Variants in AGPAT4 observed in about 807,000 individuals in gnomAD.
AGPAT4 encodes 1-acyl-sn-glycerol-3-phosphate acyltransferase delta.
AGPAT4 carries 15 observed loss-of-function variants against 48.0 expected under a neutral mutation model. The ratio of observed to expected loss-of-function variants is 0.31; its 90% CI spans 0.21 to 0.48. The LOEUF is 0.48. Among genes scored for constraint, AGPAT4 ranks in the 20% least tolerant of loss-of-function variants. AGPAT4 has a pLI of 0.99. For missense variants in AGPAT4, 314 were observed against 482.5 expected, an observed-to-expected ratio of 0.65 and a Z score of 3.27; for synonymous variants, 178 against 198.7, an observed-to-expected ratio of 0.90 and a Z score of 0.88.
chr6:161,197,022 G>A lies in AGPAT4; in HGVS notation c.179-30605C>T, dbSNP rs1781089287. Among the ~76,000 whole-genome samples, 1 of 152,148 alleles carries A rather than the reference G, an allele frequency of 6.6e-6. No homozygotes were observed. Among genetic ancestry groups the A allele is most frequent in the Non-Finnish European group, 1.5e-5 (1 of 68,026 alleles). The stretch of plus-strand genomic sequence containing the variant: ...TCTTGGAATTCTGTGTCCAATGGAG[G>A]AGGCAGTAATAGAAGCGCACAAGAG... On this transcript the variant is annotated intron_variant, in intron 2 of 8. Transcript: ENST00000320285. This position sits in a 1 kb window ranked among gnomAD's most constrained non-coding sequence, Gnocchi z 5.7.
intron 2 of AGPAT4, among the ~76,000 whole-genome samples, chr6:161,188,397 C>G (rs927075330): frequency 3.9e-5 from 6 of 152,154 alleles, no homozygotes; most frequent in African/African-American, 1.2e-4. Context: ...ATTAGGTCAC[C>G]AGATAATTCT....
intron 2 of AGPAT4, among the ~76,000 whole-genome samples, chr6:161,174,421 G>T (rs983187432): frequency 1.3e-5 from 2 of 152,132 alleles, no homozygotes; most frequent in African/African-American, 4.8e-5. Context: ...GTGAATGGGA[G>T]TTCACTCATG....
rs758349819 is a variant in AGPAT4, at chr6:161,136,409, C to A, written c.*131G>T. On this transcript the variant is annotated 3_prime_UTR_variant, in exon 9 of 9. Coordinates refer to ENST00000320285, the MANE Select transcript of AGPAT4 (RefSeq NM_020133.3). ...CCGGCCTTGAGACCAGACTCCCTGG[C>A]TGGAGAGGTCGTGACTTCCGCCGTG... is the stretch of plus-strand genomic sequence containing the variant. The A allele has an allele frequency of 8.3e-6, 6 of 722,514 alleles. No homozygotes were observed. Among genetic ancestry groups the A allele is most frequent in the Admixed American group, 2.4e-5 (1 of 41,994 alleles). The allele number at this position is 722,514 out of a possible 1,614,324, so 44.8% of individuals were successfully genotyped here. A position where few individuals can be genotyped will look rare whatever the true frequency, so the allele number is the denominator to read the frequency against.
In AGPAT4 at chr6:161,221,685, G is replaced by C. The variant is rs912836830; in HGVS notation, c.178+10351C>G. The stretch of plus-strand genomic sequence containing the variant: ...TGAGTTCTGGATTCCAGGAACCTCA[G>C]ATCGGGGTGTTAGCAGGGTTGGTTC... On this transcript the variant is annotated intron_variant, in intron 2 of 8. Coordinates refer to ENST00000320285, the MANE Select transcript of AGPAT4 (RefSeq NM_020133.3). This position sits in a 1 kb window ranked among gnomAD's most constrained non-coding sequence, Gnocchi z 4.5. Among the ~76,000 whole-genome samples, 1 of 152,208 alleles carries C rather than the reference G, an allele frequency of 6.6e-6. No homozygotes were observed. The highest frequency in any genetic ancestry group is 1.5e-5 in the Non-Finnish European group (1 of 68,038).
Position 161,203,381 on chromosome 6 carries a change from C to CTTTT in AGPAT4, c.178+28651_178+28654dup, listed in dbSNP as rs10585542. Among the ~76,000 whole-genome samples, 268 of 110,616 alleles carry CTTTT rather than the reference C, an allele frequency of 2.4e-3. 2 individuals carry two copies. The highest frequency in any genetic ancestry group is 3.5e-3 in the Non-Finnish European group (185 of 53,244). The allele number at this position is 110,616 out of a possible 152,430, so 72.6% of individuals were successfully genotyped here. A position where few individuals can be genotyped will look rare whatever the true frequency, so the allele number is the denominator to read the frequency against. ...TTGTGGGAGAGTGTTCTTTTTCTTT[C>CTTTT]TTTTTTTTTTTTTTTTTTTTTTTTG... On this transcript the variant is annotated intron_variant, in intron 2 of 8. Coordinates refer to ENST00000320285, the MANE Select transcript of AGPAT4 (RefSeq NM_020133.3).
intron 1 of AGPAT4, among the ~76,000 whole-genome samples, chr6:161,248,559 G>C (rs1377172492): frequency 8.0e-6 from 1 of 125,006 alleles, no homozygotes; most frequent in African/African-American, 3.3e-5. Context: ...GGGTGACAGC[G>C]AGACTCTGTC....
rs1376373397 is a variant in AGPAT4 at position 161,262,648 on chromosome 6, C to G, written c.-90+11290G>C. Among the ~76,000 whole-genome samples, 2 of 152,146 alleles carry G rather than the reference C, an allele frequency of 1.3e-5. No individual in the cohort carries two copies. Among genetic ancestry groups the G allele is most frequent in the Non-Finnish European group, 2.9e-5 (2 of 68,028 alleles). ...CCTTCTGACCCACTGCAAGCTCTAC[C>G]CCACTTCTTCCTTTGCTCAGAAGGT... On this transcript the variant is annotated intron_variant, in intron 1 of 8. Coordinates refer to ENST00000320285, the MANE Select transcript of AGPAT4 (RefSeq NM_020133.3). This position sits in a 1 kb window ranked among gnomAD's most constrained non-coding sequence, Gnocchi z 4.9.
In AGPAT4 at chr6:161,169,586, T is replaced by C. The variant is rs532908124; in HGVS notation, c.179-3169A>G. Reference sequence around the variant, plus strand: ...CCTGGGTTCAAGCAATCCTTCCACCTTGGCCTCCCAAAGTGCTGGGATTAT... The same window carrying C: ...CCTGGGTTCAAGCAATCCTTCCACCCTGGCCTCCCAAAGTGCTGGGATTAT... On this transcript the variant is annotated intron_variant, in intron 2 of 8. Coordinates refer to ENST00000320285, the MANE Select transcript of AGPAT4 (RefSeq NM_020133.3). The surrounding 1 kb of genome is among the most constrained non-coding windows in gnomAD (Gnocchi z 5.0). 4.4e-4 allele frequency among the ~76,000 whole-genome samples: 67 copies of C among 152,304 alleles called. No homozygotes were observed. The highest frequency in any genetic ancestry group is 1.5e-3 in the African/African-American group (62 of 41,562).
Position 161,146,740 on chromosome 6 carries a change from G to A in AGPAT4, c.768-141C>T. On this transcript the variant is annotated intron_variant, in intron 6 of 8. Coordinates refer to ENST00000320285, the MANE Select transcript of AGPAT4 (RefSeq NM_020133.3). The surrounding 1 kb of genome is among the most constrained non-coding windows in gnomAD (Gnocchi z 7.1). ...ACTGAAGAGAGTAATGCAAGTGATAGAAAGAAGGGGCGTTCCACATCCACA... is the reference window on the plus strand; with the variant it reads ...ACTGAAGAGAGTAATGCAAGTGATAAAAAGAAGGGGCGTTCCACATCCACA... 1.4e-6 allele frequency: 1 copy of A among 739,338 alleles called. No homozygotes were observed. Among genetic ancestry groups the A allele is most frequent in the Admixed American group, 2.5e-5 (1 of 39,448 alleles). 45.8% of individuals were successfully genotyped at this position (739,338 alleles called of 1,614,324 possible).
intron 2 of AGPAT4, among the ~76,000 whole-genome samples, chr6:161,182,447 A>T (rs1207874177): frequency 1.2e-5 from 1 of 80,186 alleles, no homozygotes; most frequent in Non-Finnish European, 2.4e-5. Flanking sequence ...CCTGCATCCC[A>T]GTGTCACCCT....
At chr6:161,271,486 A>G (rs539933516) in intron 1 of AGPAT4, among the ~76,000 whole-genome samples, 1 of 152,234 alleles carries the variant, frequency 6.6e-6, no homozygotes, top group Non-Finnish European at 1.5e-5. Context: ...ACTTCACAGC[A>G]GAGCCTTGCA....
At position 161,217,845 on chromosome 6, in the gene AGPAT4, C is replaced by T. The variant is rs984690636; in HGVS notation, c.178+14191G>A. 6.6e-6 allele frequency among the ~76,000 whole-genome samples: 1 copy of T among 151,204 alleles called. No individual in the cohort carries two copies. Among genetic ancestry groups the T allele is most frequent in the Non-Finnish European group, 1.5e-5 (1 of 67,932 alleles). ...GGACTCACAGGCAGCACAGCTGGTG[C>T]CTCTGCTCCCGCGGGGCCCTGCACA... On this transcript the variant is annotated intron_variant, in intron 2 of 8. Coordinates refer to ENST00000320285, the MANE Select transcript of AGPAT4 (RefSeq NM_020133.3). This position sits in a 1 kb window ranked among gnomAD's most constrained non-coding sequence, Gnocchi z 4.9.
chr6:161,152,789 G>A (rs1286653960), intron 5 of AGPAT4, among the ~76,000 whole-genome samples: 1 of 152,200 alleles, frequency 6.6e-6, no homozygotes, highest in East Asian at 1.9e-4. Context: ...GACTGTGAGG[G>A]CGTGGGGAGG....
At chr6:161,248,073 C>A (rs963408423) in intron 1 of AGPAT4, among the ~76,000 whole-genome samples, 15 of 148,956 alleles carry the variant, frequency 1.0e-4, no homozygotes, top group Non-Finnish European at 1.5e-5. Context: ...GAGTGGAAGT[C>A]AAACTATCCC....
rs1362195780 is a variant in AGPAT4 at position 161,131,612 on chromosome 6, C to T, written c.*4928G>A. On this transcript the variant is annotated 3_prime_UTR_variant, in exon 9 of 9. Transcript: ENST00000320285. ...GGGGGGCAGGGCAGGGCTGTGAGCT[C>T]AGGAGCCCATCCCTGTGCTCAGAGA... is the stretch of plus-strand genomic sequence containing the variant. The T allele has an allele frequency of 6.6e-6, 1 of 152,204 alleles. No individual in the cohort carries two copies. Among genetic ancestry groups the T allele is most frequent in the Non-Finnish European group, 1.5e-5 (1 of 68,046 alleles). 9.4% of individuals were successfully genotyped at this position (152,204 alleles called of 1,614,324 possible).
intron 2 of AGPAT4, among the ~76,000 whole-genome samples, chr6:161,224,410 G>A (rs1337616774): frequency 1.3e-5 from 2 of 152,012 alleles, no homozygotes; most frequent in Admixed American, 6.6e-5. Context: ...TTGGGAGGTC[G>A]AGGTGGGAGG....
At position 161,197,861 on chromosome 6, in the gene AGPAT4, G is replaced by A. The variant is rs1317891562; in HGVS notation, c.179-31444C>T. 1.3e-5 allele frequency among the ~76,000 whole-genome samples: 2 copies of A among 152,184 alleles called. No individual in the cohort carries two copies. Among genetic ancestry groups the A allele is most frequent in the Admixed American group, 6.5e-5 (1 of 15,286 alleles). On this transcript the variant is annotated intron_variant, in intron 2 of 8. Coordinates refer to ENST00000320285, the MANE Select transcript of AGPAT4 (RefSeq NM_020133.3). This position sits in a 1 kb window ranked among gnomAD's most constrained non-coding sequence, Gnocchi z 5.7. ...ATGTCATCATCAATAAATACCCACT[G>A]CTGATTGATTGAAATGTGGTCTTGG...
In AGPAT4 at chr6:161,217,347, TC is replaced by T. The variant is rs1781676950; in HGVS notation, c.178+14688del. Among the ~76,000 whole-genome samples, 1 of 152,284 alleles carries T rather than the reference TC, an allele frequency of 6.6e-6. No homozygotes were observed. Among genetic ancestry groups the T allele is most frequent in the African/African-American group, 2.4e-5 (1 of 41,566 alleles). On this transcript the variant is annotated intron_variant, in intron 2 of 8. Coordinates refer to ENST00000320285, the MANE Select transcript of AGPAT4 (RefSeq NM_020133.3). The surrounding 1 kb of genome is among the most constrained non-coding windows in gnomAD (Gnocchi z 4.9). ...CTACCAAGTTGAATGAAAGGGCATC[TC>T]ACTGTTTGAGCGTGCTTTAAAAAGC...
At position 161,132,821 on chromosome 6, in the gene AGPAT4, C is replaced by A. The variant is rs946261717; in HGVS notation, c.*3719G>T. On this transcript the variant is annotated 3_prime_UTR_variant, in exon 9 of 9. Transcript: ENST00000320285. ...TTGGAGAGTTGCATTTTGGGGGGCT[C>A]TCCTAGAAGCTCTGGGGGAAGGAAG... 2 of 152,200 alleles carry A rather than the reference C, an allele frequency of 1.3e-5. No homozygotes were observed. Among genetic ancestry groups the A allele is most frequent in the African/African-American group, 4.8e-5 (2 of 41,428 alleles). The allele number at this position is 152,200 out of a possible 1,614,324, so 9.4% of individuals were successfully genotyped here.
Sources: allele counts gnomAD v4.1 joint callset (sites outside exome capture counted in the v4.1 genomes callset), GRCh38; gene constraint gnomAD v4.1.1; non-coding constraint Gnocchi (gnomAD v3.1); transcripts MANE v1.5; gene names NCBI Gene and HGNC (gene_info 2026-07-23, HGNC 2026-07-21).